Variants in CCDC68 observed in about 807,000 individuals in gnomAD.
CCDC68 encodes coiled-coil domain containing 68.
In CCDC68, 45 loss-of-function variants were observed where a neutral mutation model predicts 47.1. That is an observed-to-expected ratio of 0.96 (90% CI 0.75 to 1.23). The LOEUF is 1.23. Among genes scored for constraint, CCDC68 ranks in the 50% most tolerant of loss-of-function variants. The pLI is 0.00. For missense variants in CCDC68, 353 were observed against 373.6 expected, an observed-to-expected ratio of 0.94 and a Z score of 0.45; for synonymous variants, 131 against 129.5, an observed-to-expected ratio of 1.01 and a Z score of -0.08.
At chr18:54,955,134 AAC>A (rs1364745519) in intron 1 of CCDC68, among the ~76,000 whole-genome samples, 8 of 152,150 alleles carry the variant, frequency 5.3e-5, no homozygotes, top group South Asian at 2.1e-4. Context: ...CAGTCTGGGT[AAC>A]ACAGTGATGC....
intron 1 of CCDC68, among the ~76,000 whole-genome samples, chr18:54,947,073 A>G (rs980123044): frequency 9.9e-5 from 15 of 152,254 alleles, no homozygotes; most frequent in African/African-American, 3.1e-4. Flanking sequence ...CCCAAGGGGA[A>G]CATAAGCCGG....
intron 10 of CCDC68, among the ~76,000 whole-genome samples, chr18:54,910,872 G>A (rs1297246625): frequency 6.6e-6 from 1 of 152,248 alleles, no homozygotes; most frequent in Non-Finnish European, 1.5e-5. Flanking sequence ...CAACAGCAGG[G>A]AGAAGCCAGG....
intron 1 of CCDC68, among the ~76,000 whole-genome samples, chr18:54,951,861 A>G (rs2044625316): frequency 6.6e-6 from 1 of 152,314 alleles, no homozygotes; most frequent in Admixed American, 6.5e-5. Flanking sequence ...GTTCCACTTC[A>G]TCACCAGCTG....
At chr18:54,944,619 A>G (rs2044495100) in intron 2 of CCDC68, among the ~76,000 whole-genome samples, 1 of 152,324 alleles carries the variant, frequency 6.6e-6, no homozygotes, top group East Asian at 1.9e-4. Flanking sequence ...ATAAACCAAA[A>G]GTATACTAAA....
At chr18:54,933,921 G>C (rs1459613552) in intron 7 of CCDC68, among the ~76,000 whole-genome samples, 2 of 152,056 alleles carry the variant, frequency 1.3e-5, no homozygotes, top group Non-Finnish European at 2.9e-5. Context: ...GTTTCCTTTG[G>C]TAAGAAACCT....
intron 5 of CCDC68, chr18:54,937,380 G>A (rs1387135192): frequency 6.4e-6 from 1 of 156,324 alleles, no homozygotes; most frequent in African/African-American, 2.4e-5. Context: ...ATGCTAAAAT[G>A]TTATGAATCT....
Position 54,904,202 on chromosome 18 carries a change from T to A in CCDC68, c.*156A>T. ...ATCCATTAAATATAGATTTGTTTGA[T>A]TTTCTGAAATGTCATCTTCTTGCAA... On this transcript the variant is annotated 3_prime_UTR_variant, in exon 12 of 12. Coordinates refer to ENST00000591504, the MANE Select transcript of CCDC68 (RefSeq NM_025214.3). The A allele has an allele frequency of 1.7e-6, 1 of 583,388 alleles. No homozygotes were observed. The highest frequency in any genetic ancestry group is 2.5e-5 in the South Asian group (1 of 40,328). The allele number at this position is 583,388 out of a possible 1,614,324, so 36.1% of individuals were successfully genotyped here. A position where few individuals can be genotyped will look rare whatever the true frequency, so the allele number is the denominator to read the frequency against.
In CCDC68 at chr18:54,904,065, A is replaced by G. The variant is rs1599013935; in HGVS notation, c.*293T>C. 3.7e-6 allele frequency: 1 copy of G among 268,410 alleles called. No homozygotes were observed. Among genetic ancestry groups the G allele is most frequent in the Non-Finnish European group, 6.8e-6 (1 of 147,110 alleles). 16.6% of individuals were successfully genotyped at this position (268,410 alleles called of 1,614,324 possible). A position where few individuals can be genotyped will look rare whatever the true frequency, so the allele number is the denominator to read the frequency against. ...TAAAACAATCCCAGTAGAAAAAAAA[A>G]TCTGAAAACAAGATTCAGATTTTTT... On this transcript the variant is annotated 3_prime_UTR_variant, in exon 12 of 12. Transcript: ENST00000591504.
intron 7 of CCDC68, 95 bp from the exon 8 acceptor site, chr18:54,928,977 G>A: frequency 1.4e-6 from 1 of 708,946 alleles, no homozygotes; most frequent in Admixed American, 2.4e-5. Flanking sequence ...TTGAGCTAAA[G>A]AGTTAATTTC....
At chr18:54,926,387 C>T (rs1011130546) in intron 8 of CCDC68, among the ~76,000 whole-genome samples, 5 of 152,118 alleles carry the variant, frequency 3.3e-5, no homozygotes, top group Non-Finnish European at 7.4e-5. Flanking sequence ...GAGGAAAAGC[C>T]CCTTATAAAA....
intron 7 of CCDC68, among the ~76,000 whole-genome samples, chr18:54,930,475 G>A (rs1396348278): frequency 6.6e-6 from 1 of 152,086 alleles, no homozygotes; most frequent in African/African-American, 2.4e-5. Flanking sequence ...GTTCTGTTAT[G>A]TTTTAAAATT....
intron 8 of CCDC68, among the ~76,000 whole-genome samples, chr18:54,927,463 A>C (rs1202466640): frequency 6.7e-6 from 1 of 150,216 alleles, no homozygotes; most frequent in Non-Finnish European, 1.5e-5. Flanking sequence ...TTTTTAAAGG[A>C]AAAAAAAAAT....
chr18:54,930,449 CT>C (rs998119244), intron 7 of CCDC68, among the ~76,000 whole-genome samples: 2 of 152,124 alleles, frequency 1.3e-5, no homozygotes, highest in Non-Finnish European at 2.9e-5. Context: ...GCACTAATTA[CT>C]TCAAATCTTA....
intron 10 of CCDC68, among the ~76,000 whole-genome samples, chr18:54,908,353 A>C (rs907199379): frequency 3.9e-5 from 6 of 152,184 alleles, no homozygotes; most frequent in Admixed American, 2.0e-4. Flanking sequence ...CTTTATATCT[A>C]TACTAGTGGT....
At chr18:54,922,987 C>CAAAAAAAAAAAAA (rs1183607769) in intron 8 of CCDC68, among the ~76,000 whole-genome samples, 1 of 40,028 alleles carries the variant, frequency 2.5e-5, no homozygotes, top group African/African-American at 8.2e-5. Context: ...GACTCCGTCT[C>CAAAAAAAAAAAAA]AAAAAAAAAA....
Position 54,914,355 on chromosome 18 carries a change from C to T in CCDC68, c.873+3558G>A, listed in dbSNP as rs2043908592. Among the ~76,000 whole-genome samples the T allele has an allele frequency of 4.6e-5, 7 of 152,274 alleles. No homozygotes were observed. In the South Asian group the frequency reaches 1.2e-3, roughly 27 times the overall value. ...GCTTGAGTCTGGGCACAATGGCTCA[C>T]ACCTATAATCCCAGCACTTTGGGAG... On this transcript the variant is annotated intron_variant, in intron 10 of 11. Transcript: ENST00000591504.
At chr18:54,925,729 T>C (rs1358408561) in intron 8 of CCDC68, among the ~76,000 whole-genome samples, 1 of 152,190 alleles carries the variant, frequency 6.6e-6, no homozygotes, top group Non-Finnish European at 1.5e-5. Context: ...TACTGCCTTC[T>C]GTTTAGGATC....
At chr18:54,923,080 G>A (rs1334898812) in intron 8 of CCDC68, among the ~76,000 whole-genome samples, 2 of 150,804 alleles carry the variant, frequency 1.3e-5, no homozygotes, top group South Asian at 2.1e-4. Flanking sequence ...AATTGCTCCA[G>A]CAAGGAAAGT....
intron 6 of CCDC68, among the ~76,000 whole-genome samples, chr18:54,936,069 G>A (rs2044337133): frequency 1.4e-5 from 2 of 146,438 alleles, no homozygotes; most frequent in Admixed American, 1.4e-4. Flanking sequence ...AAATATAAAA[G>A]CATCTAAATT....
Sources: gnomAD v4.1 joint callset for allele counts (sites outside exome capture counted in the v4.1 genomes callset) on GRCh38, gnomAD v4.1.1 for gene constraint, MANE v1.5 for transcripts, NCBI Gene and HGNC (gene_info 2026-07-23, HGNC 2026-07-21) for gene names.